SLC23A2: variants seen among roughly 807,000 people sequenced by gnomAD.
SLC23A2 encodes the protein Na(+)/L-ascorbic acid transporter 2.
In SLC23A2, 36 loss-of-function variants were observed where a neutral mutation model predicts 73.3. The ratio of observed to expected loss-of-function variants is 0.49; its 90% confidence interval spans 0.38 to 0.65. The LOEUF (loss-of-function observed/expected upper bound fraction) is 0.65, where lower values mean the gene tolerates loss of function less well. SLC23A2 is among the 30% of genes least tolerant of loss of function. The pLI is 0.00. For missense variants in SLC23A2, 507 were observed against 841.6 expected, an observed-to-expected ratio of 0.60 and a Z score of 4.92; for synonymous variants, 343 against 327.3, an observed-to-expected ratio of 1.05 and a Z score of -0.52.
chr20:4,901,887 C>A (rs563563553), intron 5 of SLC23A2, among the ~76,000 whole-genome samples: 1 of 152,214 alleles, frequency 6.6e-6, no homozygotes, highest in East Asian at 1.9e-4. Context: ...CTTTCTATAA[C>A]TCTATTTCCT....
At chr20:4,960,607 G>A (rs554399972) in intron 2 of SLC23A2, among the ~76,000 whole-genome samples, 8 of 152,314 alleles carry the variant, frequency 5.3e-5, no homozygotes, top group Non-Finnish European at 7.4e-5. Flanking sequence ...ACGCGCACAC[G>A]CACACACACA....
At chr20:5,000,811 C>A (rs2088107509) in intron 1 of SLC23A2, among the ~76,000 whole-genome samples, 1 of 152,190 alleles carries the variant, frequency 6.6e-6, no homozygotes, top group Non-Finnish European at 1.5e-5. Context: ...GGACTCGCGA[C>A]CCCCCAGGGA....
chr20:4,983,511 T>C (rs2087764110), intron 1 of SLC23A2, among the ~76,000 whole-genome samples: 1 of 151,728 alleles, frequency 6.6e-6, no homozygotes, highest in Admixed American at 6.6e-5. Flanking sequence ...CCGGGCGTTG[T>C]GGCAGGTGCC....
intron 2 of SLC23A2, among the ~76,000 whole-genome samples, chr20:4,968,124 T>C (rs370528205): frequency 6.6e-6 from 1 of 152,220 alleles, no homozygotes; most frequent in East Asian, 1.9e-4. Context: ...TCCGGACACC[T>C]AGCAAATCAG....
intron 2 of SLC23A2, among the ~76,000 whole-genome samples, chr20:4,938,126 G>C (rs567097480): frequency 1.6e-4 from 24 of 151,392 alleles, no homozygotes; most frequent in African/African-American, 5.8e-4. Flanking sequence ...GACTTCCCAG[G>C]CTCAGGTGAT....
At chr20:5,005,540 C>T (rs866535954), upstream of SLC23A2, among the ~76,000 whole-genome samples, 13 of 152,102 alleles carry the variant, frequency 8.5e-5, no homozygotes, top group African/African-American at 2.9e-4. Context: ...TGGGGCTATT[C>T]CATCTTCATA....
At chr20:4,958,870 C>G (rs2087334414) in intron 2 of SLC23A2, among the ~76,000 whole-genome samples, 1 of 152,062 alleles carries the variant, frequency 6.6e-6, no homozygotes, top group South Asian at 2.1e-4. Context: ...CTTTAAATAA[C>G]TTTAAAATAC....
chr20:4,867,552 A>G (rs566895341), intron 13 of SLC23A2, among the ~76,000 whole-genome samples: 11 of 151,872 alleles, frequency 7.2e-5, no homozygotes, highest in South Asian at 6.3e-4. Flanking sequence ...GCATGATGGA[A>G]TGACAGCACT....
In SLC23A2 at chr20:4,937,465, A is replaced by G. The variant is rs1176357286; in HGVS notation, c.-154-4749T>C. ...AGATCATGATGGCGACAATGGCAGT[A>G]ATAACTGCAATTTTCCAGTTGCTAA... On this transcript the variant is annotated intron_variant, in intron 2 of 16. Transcript: ENST00000338244. Among the ~76,000 whole-genome samples the G allele has an allele frequency of 4.6e-5, 7 of 152,222 alleles. No individual in the cohort carries two copies. The South Asian group carries it at 1.0e-3, about 23-fold the overall frequency.
At chr20:4,970,458 C>G (rs540108381) in intron 2 of SLC23A2, among the ~76,000 whole-genome samples, 1 of 152,280 alleles carries the variant, frequency 6.6e-6, no homozygotes, top group Admixed American at 6.5e-5. Flanking sequence ...ACTAGCCAGG[C>G]ATGGTGGCTG....
intron 1 of SLC23A2, among the ~76,000 whole-genome samples, chr20:5,007,495 C>A (rs181424493): frequency 6.6e-6 from 1 of 152,084 alleles, no homozygotes; most frequent in Admixed American, 6.6e-5. Context: ...CGCACCACTG[C>A]GCACCAACCT....
chr20:4,908,221 A>G (rs1042131727), intron 4 of SLC23A2, among the ~76,000 whole-genome samples: 1 of 152,224 alleles, frequency 6.6e-6, no homozygotes, highest in Admixed American at 6.5e-5. Context: ...AAATGCCAGG[A>G]AAAACTGGCC....
intron 2 of SLC23A2, among the ~76,000 whole-genome samples, chr20:4,957,025 TCGAA>T (rs1233995403): frequency 5.9e-5 from 9 of 152,040 alleles, no homozygotes; most frequent in Non-Finnish European, 1.3e-4. Context: ...CAGGCTGGTC[TCGAA>T]CTCCTGACCT....
chr20:4,878,209 C>G (rs1930734033), intron 9 of SLC23A2, among the ~76,000 whole-genome samples: 3 of 151,956 alleles, frequency 2.0e-5, no homozygotes, highest in Admixed American at 1.3e-4. Flanking sequence ...TTTTTTGAGA[C>G]AGAGTCTCAT....
chr20:4,883,554 A>T lies in SLC23A2; in HGVS notation c.824+88T>A. ...TTGAAACTGTCAGACCATTCTTATT[A>T]TTGAAAAACATTATCTCCTGAAGTC... On this transcript the variant is annotated intron_variant, in intron 9 of 16. Transcript: ENST00000338244. The surrounding 1 kb of genome is among the most constrained non-coding windows in gnomAD (Gnocchi z 4.5). 4 of 939,034 alleles carry T rather than the reference A, an allele frequency of 4.3e-6. No homozygotes were observed. The East Asian group carries it at 8.0e-5, about 19-fold the overall frequency. 58.2% of individuals were successfully genotyped at this position (939,034 alleles called of 1,614,324 possible).
rs1318058820 is a variant in SLC23A2, at chr20:4,857,381, T to C, written c.1721-177A>G. ...TGCCTAGATAACAGCAAAGAATACT[T>C]GAGGAGGTGAAGGTGCTCAGCTATC... is the stretch of plus-strand genomic sequence containing the variant. On this transcript the variant is annotated intron_variant, in intron 16 of 16. Transcript: ENST00000338244. This position sits in a 1 kb window ranked among gnomAD's most constrained non-coding sequence, Gnocchi z 4.0. Among the ~76,000 whole-genome samples, 2 of 150,640 alleles carry C rather than the reference T, an allele frequency of 1.3e-5. No homozygotes were observed. The highest frequency in any genetic ancestry group is 4.9e-5 in the African/African-American group (2 of 40,982).
intron 1 of SLC23A2, among the ~76,000 whole-genome samples, chr20:4,991,213 T>C (rs899037994): frequency 1.8e-4 from 27 of 152,088 alleles, no homozygotes; most frequent in Non-Finnish European, 4.0e-4. Context: ...GCTTGAGTTC[T>C]CTTCCCACAA....
At chr20:4,875,331 C>A (rs1220769746) in intron 9 of SLC23A2, among the ~76,000 whole-genome samples, 2 of 152,216 alleles carry the variant, frequency 1.3e-5, no homozygotes, top group Non-Finnish European at 2.9e-5. Context: ...TGGGAGGCTT[C>A]TGTGTGCCAG....
At chr20:4,900,018 G>A (rs367951914) in intron 5 of SLC23A2, among the ~76,000 whole-genome samples, 159 of 152,192 alleles carry the variant, frequency 1.0e-3, no homozygotes, top group African/African-American at 3.8e-3. Context: ...TTACAGGGGC[G>A]CACCACCACG....
Sources: gnomAD v4.1 joint callset for allele counts (sites outside exome capture counted in the v4.1 genomes callset) on GRCh38, gnomAD v4.1.1 for gene constraint, Gnocchi (gnomAD v3.1) non-coding constraint, MANE v1.5 for transcripts, NCBI Gene and HGNC (gene_info 2026-07-23, HGNC 2026-07-21) for gene names.